FSTL4: variants seen among roughly 807,000 people sequenced by gnomAD.
The protein encoded by FSTL4 is follistatin-related protein 4.
A neutral mutation model predicts 78.2 loss-of-function variants in FSTL4; 28 were observed. The ratio of observed to expected loss-of-function variants is 0.36; its 90% CI spans 0.27 to 0.49. The LOEUF is 0.49. Ranked by LOEUF, FSTL4 falls within the 20% of genes least tolerant of loss-of-function variation. The probability of loss-of-function intolerance (pLI) is 0.98; values close to 1 mark genes in which losing one functional copy is unlikely to be tolerated. For missense variants in FSTL4, 922 were observed against 1,084.9 expected, an observed-to-expected ratio of 0.85 and a Z score of 2.11; for synonymous variants, 422 against 440.5, an observed-to-expected ratio of 0.96 and a Z score of 0.53.
intron 2 of FSTL4, among the ~76,000 whole-genome samples, chr5:133,590,091 C>CTATTTATTTATTTATT (rs1561479080): frequency 9.4e-6 from 1 of 106,746 alleles, no homozygotes; most frequent in African/African-American, 3.7e-5. Context: ...TGGGAATCTC[C>CTATTTATTTATTTATT]TCTTTATTTA....
At chr5:133,620,441 G>A in the FSTL4 span, among the ~76,000 whole-genome samples, 1,502 of 152,112 alleles carry the variant, frequency 9.9e-3, 23 homozygotes, top group African/African-American at 0.034. Flanking sequence ...CTATATATAA[G>A]GATTTTTATC....
At chr5:133,813,015 T>A in the FSTL4 span, among the ~76,000 whole-genome samples, 2 of 152,170 alleles carry the variant, frequency 1.3e-5, no homozygotes, top group Non-Finnish European at 2.9e-5. Flanking sequence ...GTGTTAACAT[T>A]CTGTTGATTG....
chr5:133,814,230 T>C, the FSTL4 span, among the ~76,000 whole-genome samples: 1 of 152,192 alleles, frequency 6.6e-6, no homozygotes, highest in South Asian at 2.1e-4. Flanking sequence ...TGGGTCTTCG[T>C]GCAAGGTTCT....
the FSTL4 span, among the ~76,000 whole-genome samples, chr5:133,788,555 G>T: frequency 3.9e-5 from 6 of 152,172 alleles, no homozygotes; most frequent in African/African-American, 1.4e-4. Flanking sequence ...ACACAGCACT[G>T]CCCATGTCTC....
At chr5:133,814,779 G>A in the FSTL4 span, among the ~76,000 whole-genome samples, 42 of 152,342 alleles carry the variant, frequency 2.8e-4, no homozygotes, top group South Asian at 6.2e-4. Context: ...TTGCAACAAT[G>A]AGAAAGATGT....
In FSTL4 at chr5:133,261,090, G is replaced by T. The variant is rs569087320; in HGVS notation, c.728-11514C>A. Among the ~76,000 whole-genome samples, 133 of 152,310 alleles carry T rather than the reference G, an allele frequency of 8.7e-4. 2 individuals are homozygous for T. The highest frequency in any genetic ancestry group is 7.8e-3 in the Admixed American group (120 of 15,304). On this transcript the variant is annotated intron_variant, in intron 6 of 15. Coordinates refer to ENST00000265342, the MANE Select transcript of FSTL4 (RefSeq NM_015082.2). ...CACCTTTAAAGACCATCTGTGTATTGGTTGAGATGGTCTTCAGCTGCATTA... is the reference window on the plus strand; with the variant it reads ...CACCTTTAAAGACCATCTGTGTATTTGTTGAGATGGTCTTCAGCTGCATTA...
At chr5:133,324,971 G>A (rs1217776933) in intron 4 of FSTL4, among the ~76,000 whole-genome samples, 1 of 152,252 alleles carries the variant, frequency 6.6e-6, no homozygotes, top group African/African-American at 2.4e-5. Flanking sequence ...TTCCCATGGA[G>A]TGAACTCCAG....
chr5:133,668,369 G>A, the FSTL4 span, among the ~76,000 whole-genome samples: 2 of 152,292 alleles, frequency 1.3e-5, no homozygotes, highest in South Asian at 4.2e-4. Flanking sequence ...GGCTGGTCAG[G>A]GGAGGGATGT....
At chr5:133,341,993 C>T (rs1000111802) in intron 4 of FSTL4, among the ~76,000 whole-genome samples, 49 of 152,312 alleles carry the variant, frequency 3.2e-4, no homozygotes, top group African/African-American at 1.1e-3. Flanking sequence ...TGTGTGATTT[C>T]TCTGAGGCTA....
At chr5:133,220,045 A>G (rs976597802) in intron 12 of FSTL4, among the ~76,000 whole-genome samples, 1 of 152,280 alleles carries the variant, frequency 6.6e-6, no homozygotes, top group Non-Finnish European at 1.5e-5. Flanking sequence ...TGCTTTAGGA[A>G]CTTGCCTGGG....
chr5:133,313,099 TG>T (rs908034597), intron 5 of FSTL4, among the ~76,000 whole-genome samples: 8 of 152,308 alleles, frequency 5.3e-5, no homozygotes, highest in African/African-American at 1.9e-4. Flanking sequence ...CCTGCTCTAC[TG>T]CTGTGTGCTA....
chr5:133,491,653 C>T (rs1758270121), intron 3 of FSTL4, among the ~76,000 whole-genome samples: 1 of 152,098 alleles, frequency 6.6e-6, no homozygotes, highest in Admixed American at 6.5e-5. Flanking sequence ...CCACCCACCT[C>T]GGCCTCCCAA....
At chr5:133,630,436 G>A in the FSTL4 span, among the ~76,000 whole-genome samples, 2 of 152,128 alleles carry the variant, frequency 1.3e-5, no homozygotes, top group South Asian at 2.1e-4. Context: ...CAACTTACAA[G>A]GGATGTGAAG....
intron 3 of FSTL4, among the ~76,000 whole-genome samples, chr5:133,439,100 A>T (rs534166310): frequency 2.0e-5 from 3 of 152,298 alleles, no homozygotes; most frequent in African/African-American, 7.2e-5. Context: ...GTTCCCTAAT[A>T]GCTTGGGATG....
intron 4 of FSTL4, among the ~76,000 whole-genome samples, chr5:133,353,817 G>A (rs1289611968): frequency 6.6e-6 from 1 of 152,232 alleles, no homozygotes; most frequent in Non-Finnish European, 1.5e-5. Flanking sequence ...CGGGCCTCTG[G>A]GTTGCAGTGG....
At chr5:133,264,362 T>A (rs897171770) in intron 6 of FSTL4, among the ~76,000 whole-genome samples, 5 of 152,094 alleles carry the variant, frequency 3.3e-5, no homozygotes, top group Non-Finnish European at 7.4e-5. Context: ...TGTGGATACA[T>A]CCCTGTCCTA....
At chr5:133,420,750 G>A (rs193133157) in intron 3 of FSTL4, among the ~76,000 whole-genome samples, 195 of 152,372 alleles carry the variant, frequency 1.3e-3, no homozygotes, top group Non-Finnish European at 2.5e-3. Context: ...GTTCATGGCT[G>A]CAGCCAGGGC....
intron 4 of FSTL4, among the ~76,000 whole-genome samples, chr5:133,320,209 C>T (rs1754012374): frequency 6.6e-6 from 1 of 152,188 alleles, no homozygotes; most frequent in African/African-American, 2.4e-5. Flanking sequence ...GCTCAGTCTC[C>T]CTGGATAGAT....
intron 2 of FSTL4, chr5:133,575,140 C>T (rs533904475): frequency 1.3e-5 from 2 of 152,112 alleles, no homozygotes; most frequent in African/African-American, 4.8e-5. Flanking sequence ...GAACAAACCC[C>T]ACTTTTAATT....
Sources: allele counts gnomAD v4.1 joint callset (sites outside exome capture counted in the v4.1 genomes callset), GRCh38; gene constraint gnomAD v4.1.1; transcripts MANE v1.5; gene names NCBI Gene and HGNC (gene_info 2026-07-23, HGNC 2026-07-21).